CACNA1H: variants seen among roughly 807,000 people sequenced by gnomAD.
CACNA1H encodes voltage-dependent T-type calcium channel subunit alpha-1H.
In CACNA1H, 149 loss-of-function variants were observed where a neutral mutation model predicts 192.5. The observed-to-expected ratio is 0.77, with a 90% CI of 0.68 to 0.89. The LOEUF is 0.89. CACNA1H is among the 40% of genes least tolerant of loss of function. The pLI, the probability that CACNA1H is intolerant of heterozygous loss-of-function variation, is 0.00. For missense variants in CACNA1H, 4,257 were observed against 3,423.5 expected, an observed-to-expected ratio of 1.24 and a Z score of -6.08; for synonymous variants, 2,202 against 1,475.2, an observed-to-expected ratio of 1.49 and a Z score of -11.29.
chr16:1,153,913 G>C lies in CACNA1H; in HGVS notation c.176G>C (p.Gly59Ala), dbSNP rs770277527. Residue 59 changes from glycine to alanine, a missense_variant, in exon 2 of 35, where the codon GGC becomes GCC. Gly to Ala is a moderately conservative substitution (Grantham distance 60). Coordinates refer to ENST00000348261, the MANE Select transcript of CACNA1H (RefSeq NM_021098.3). ...SPSESPAAER[G>A]AELGADEEQR... ...TCCGAGAGCCCGGCGGCCGAGCGCG[G>C]CGCGGAGCTGGGTGCCGACGAGGAG... 1.4e-6 allele frequency: 2 copies of C among 1,455,066 alleles called. No individual in the cohort carries two copies. The highest frequency in any genetic ancestry group is 1.8e-6 in the Non-Finnish European group (2 of 1,104,686). 90.1% of individuals were successfully genotyped at this position (1,455,066 alleles called of 1,614,324 possible).
intron 31 of CACNA1H, among the ~76,000 whole-genome samples, chr16:1,217,406 C>G (rs1377671626): frequency 6.6e-6 from 1 of 152,192 alleles, no homozygotes; most frequent in Non-Finnish European, 1.5e-5. Context: ...GCCGTAGCCT[C>G]CTGAGGCCCC....
chr16:1,219,171 TGGG>T lies in CACNA1H; in HGVS notation c.6048+45_6048+47del, dbSNP rs3833846. On this transcript the variant is annotated intron_variant, in intron 34 of 34. Transcript: ENST00000348261. ...GGCCTGCAGCAGAGGCTGGCGGGGA[TGGG>T]GGGCTTGCAGGGATGCCTCGTCTCA... The T allele has an allele frequency of 6.8e-6, 10 of 1,478,336 alleles. No individual in the cohort carries two copies. The African/African-American group carries it at 8.4e-5, about 12-fold the overall frequency. The allele number at this position is 1,478,336 out of a possible 1,614,324, so 91.6% of individuals were successfully genotyped here. A position where few individuals can be genotyped will look rare whatever the true frequency, so the allele number is the denominator to read the frequency against.
chr16:1,188,084 C>T (rs1212465042), intron 2 of CACNA1H, among the ~76,000 whole-genome samples: 1 of 152,178 alleles, frequency 6.6e-6, no homozygotes, highest in Non-Finnish European at 1.5e-5. Flanking sequence ...GAAGCTGAGG[C>T]TTAGAAAGGG....
At chr16:1,212,317 C>T (rs1969548415) in intron 25 of CACNA1H, 179 bp downstream of exon 25, 2 of 1,144,906 alleles carry the variant, frequency 1.7e-6, no homozygotes, top group African/African-American at 1.6e-5. Context: ...CGTCGGGGAG[C>T]CCGCCATGGC....
At chr16:1,219,258 C>T (rs2141401268) in intron 34 of CACNA1H, 128 bp downstream of exon 34, 1 of 920,022 alleles carries the variant, frequency 1.1e-6, no homozygotes, top group South Asian at 1.9e-5. Flanking sequence ...GTCCTTGGGG[C>T]TCCGAAGGTT....
In CACNA1H at chr16:1,216,282, G is replaced by A. The variant is rs145815108; in HGVS notation, c.5245-650G>A. Among the ~76,000 whole-genome samples the A allele has an allele frequency of 7.9e-5, 12 of 152,314 alleles. No individual in the cohort carries two copies. In the South Asian group the frequency reaches 2.3e-3, roughly 29 times the overall value. On this transcript the variant is annotated intron_variant, in intron 30 of 34. Transcript: ENST00000348261. ...CCCCACTCACCCTGTCCTCAGCGGC[G>A]TGCCTAGCTTCGTCCAAGTAACACT...
chr16:1,191,757 C>T (rs1419215834), intron 2 of CACNA1H, among the ~76,000 whole-genome samples: 7 of 79,662 alleles, frequency 8.8e-5, no homozygotes, highest in South Asian at 5.3e-4. Context: ...CAGGCACACT[C>T]GGGGTCTCTG....
chr16:1,172,861 A>AG (rs1964506691), intron 2 of CACNA1H, among the ~76,000 whole-genome samples: 1 of 151,972 alleles, frequency 6.6e-6, no homozygotes, highest in African/African-American at 2.4e-5. Context: ...GAGGCGGGGC[A>AG]GGGGCTGTGA....
chr16:1,171,261 G>A (rs1396141898), intron 2 of CACNA1H, among the ~76,000 whole-genome samples: 3 of 152,148 alleles, frequency 2.0e-5, no homozygotes, highest in African/African-American at 7.2e-5. Context: ...AGCCTGCTCT[G>A]TGGGGCCCTC....
At position 1,212,064 on chromosome 16, in the gene CACNA1H, G is replaced by A. The variant is rs538666649; in HGVS notation, c.4685G>A (p.Arg1562Gln). Residue 1562 changes from arginine to glutamine, a missense_variant, in exon 25 of 35, where the codon CGG becomes CAG. Physicochemically the swap from Arg to Gln is conservative, Grantham distance 43. Coordinates refer to ENST00000348261, the MANE Select transcript of CACNA1H (RefSeq NM_021098.3). ...GTGGTCGAGAACTTCCACAAGTGCC[G>A]GCAGCACCAGGAGGCGGAGGAGGCG... is the stretch of plus-strand genomic sequence containing the variant. ...GVVVENFHKC[R>Q]QHQEAEEARR... The A allele has an allele frequency of 1.4e-5, 22 of 1,613,040 alleles. No individual in the cohort carries two copies. Among genetic ancestry groups the A allele is most frequent in the South Asian group, 2.2e-5 (2 of 91,074 alleles).
chr16:1,157,401 C>G (rs1229595018), intron 2 of CACNA1H, among the ~76,000 whole-genome samples: 1 of 152,246 alleles, frequency 6.6e-6, no homozygotes, highest in Non-Finnish European at 1.5e-5. Flanking sequence ...CATCCTGGCT[C>G]TGAGGGCCAC....
intron 5 of CACNA1H, among the ~76,000 whole-genome samples, 173 bp from the exon 6 acceptor site, chr16:1,198,442 G>A (rs536894121): frequency 9.9e-5 from 15 of 152,186 alleles, no homozygotes; most frequent in South Asian, 2.1e-4. Flanking sequence ...GGGGAGTCCC[G>A]ATCACACTAG....
Position 1,210,574 on chromosome 16 carries a change from T to A in CACNA1H, c.3970-9T>A. ...GTGGACACAGCCCCCCACCGTCCTC[T>A]CCCGGCAGGAGCGGGTCTTCCTCAG... On this transcript the variant is annotated splice_polypyrimidine_tract_variant and intron_variant, in intron 19 of 34. Transcript: ENST00000348261. 3 of 1,609,524 alleles carry A rather than the reference T, an allele frequency of 1.9e-6. No individual in the cohort carries two copies. The highest frequency in any genetic ancestry group is 2.5e-6 in the Non-Finnish European group (3 of 1,179,726).
chr16:1,211,680 C>T (rs374284606), intron 23 of CACNA1H, 36 bp from the exon 24 acceptor site: 8 of 1,611,976 alleles, frequency 5.0e-6, no homozygotes, highest in Non-Finnish European at 6.8e-6. Context: ...GACCCCAGCT[C>T]TAACCCTCGC....
intron 30 of CACNA1H, among the ~76,000 whole-genome samples, chr16:1,216,700 G>A (rs1970053670): frequency 1.3e-5 from 2 of 152,242 alleles, no homozygotes; most frequent in African/African-American, 4.8e-5. Context: ...CCAGCACAGA[G>A]GGGTGGGCTC....
At chr16:1,185,596 CA>C (rs1567475440) in intron 2 of CACNA1H, among the ~76,000 whole-genome samples, 1 of 31,586 alleles carries the variant, frequency 3.2e-5, no homozygotes. Context: ...AGTAGACGGT[CA>C]GCGTGCGTAG....
At chr16:1,173,553 A>G (rs555276773) in intron 2 of CACNA1H, among the ~76,000 whole-genome samples, 2 of 152,222 alleles carry the variant, frequency 1.3e-5, no homozygotes, top group Non-Finnish European at 2.9e-5. Flanking sequence ...GTGTGTTAAC[A>G]TAACACGTCC....
intron 6 of CACNA1H, 175 bp downstream of exon 6, chr16:1,198,949 C>G (rs977370654): frequency 1.6e-6 from 1 of 625,948 alleles, no homozygotes; most frequent in Non-Finnish European, 2.8e-6. Context: ...GCCCCCACCC[C>G]CCATCATGGC....
At chr16:1,159,214 G>A (rs1962858168) in intron 2 of CACNA1H, among the ~76,000 whole-genome samples, 1 of 152,242 alleles carries the variant, frequency 6.6e-6, no homozygotes, top group Non-Finnish European at 1.5e-5. Flanking sequence ...GTAGAACGAG[G>A]CTGGCCTGAG....
Sources: gnomAD v4.1 joint callset for allele counts (sites outside exome capture counted in the v4.1 genomes callset) on GRCh38, gnomAD v4.1.1 for gene constraint, MANE v1.5 for transcripts, NCBI Gene and HGNC (gene_info 2026-07-23, HGNC 2026-07-21) for gene names.